CA12: variants seen among roughly 807,000 people sequenced by gnomAD.
CA12 encodes the protein carbonate dehydratase XII.
A neutral mutation model predicts 46.8 loss-of-function variants in CA12; 36 were observed. The ratio of observed to expected loss-of-function variants is 0.77; its 90% confidence interval spans 0.59 to 1.02. The LOEUF (loss-of-function observed/expected upper bound fraction) is 1.02, where lower values mean the gene tolerates loss of function less well. CA12 is among the 50% of genes least tolerant of loss of function. The probability of loss-of-function intolerance (pLI) is 0.00; values close to 1 mark genes in which losing one functional copy is unlikely to be tolerated. For missense variants in CA12, 436 were observed against 451.4 expected (o/e 0.97, Z 0.31); for synonymous variants, 202 against 187.0 (o/e 1.08, Z -0.65).
chr15:63,381,272 G>A (rs2152629514), intron 1 of CA12, among the ~76,000 whole-genome samples: 1 of 152,306 alleles, frequency 6.6e-6, no homozygotes, highest in Admixed American at 6.5e-5. Context: ...ACCCCAATCA[G>A]AATGCCACAG....
chr15:63,368,292 T>C (rs549100669), intron 2 of CA12, among the ~76,000 whole-genome samples: 1 of 152,334 alleles, frequency 6.6e-6, no homozygotes, highest in African/African-American at 2.4e-5. Context: ...CTTGGCCTGG[T>C]GGTGTGGCCC....
At chr15:63,361,616 G>A (rs891727739) in intron 2 of CA12, among the ~76,000 whole-genome samples, 1 of 152,150 alleles carries the variant, frequency 6.6e-6, no homozygotes, top group African/African-American at 2.4e-5. Context: ...TATTGTAATT[G>A]TCCCCTCAGG....
At chr15:63,336,404 C>T (rs772459355) in intron 8 of CA12, among the ~76,000 whole-genome samples, 66 of 152,130 alleles carry the variant, frequency 4.3e-4, no homozygotes, top group African/African-American at 1.4e-3. Flanking sequence ...AGCTCCTGCC[C>T]GGTTTCTTCT....
In CA12 at chr15:63,381,774, C is replaced by T. The variant is rs149560714; in HGVS notation, c.-54G>A. On this transcript the variant is annotated 5_prime_UTR_variant, in exon 1 of 11. Coordinates refer to ENST00000178638, the MANE Select transcript of CA12 (RefSeq NM_001218.5). The stretch of plus-strand genomic sequence containing the variant: ...GGCTGTGCCGGGGGCTCCCGGTGGC[C>T]GCTCGCTCTCCAGCTGCACACCGGG... 793 of 1,285,922 alleles carry T rather than the reference C, an allele frequency of 6.2e-4. 1 individual carries two copies. The highest frequency in any genetic ancestry group is 3.7e-3 in the Middle Eastern group (15 of 4,050). 79.7% of individuals were successfully genotyped at this position (1,285,922 alleles called of 1,614,324 possible).
chr15:63,369,176 A>G (rs897166204), intron 2 of CA12, among the ~76,000 whole-genome samples: 1 of 152,228 alleles, frequency 6.6e-6, no homozygotes, highest in Non-Finnish European at 1.5e-5. Context: ...TTCTTACTCA[A>G]AAAGGAAATA....
At position 63,341,957 on chromosome 15, in the gene CA12, T is replaced by C; in HGVS notation, c.525+45A>G. 7.4e-7 allele frequency: 1 copy of C among 1,352,444 alleles called. No individual in the cohort carries two copies. Among genetic ancestry groups the C allele is most frequent in the Non-Finnish European group, 1.1e-6 (1 of 943,888 alleles). 83.8% of individuals were successfully genotyped at this position (1,352,444 alleles called of 1,614,324 possible). On this transcript the variant is annotated intron_variant, in intron 5 of 10. Transcript: ENST00000178638. The surrounding 1 kb of genome is among the most constrained non-coding windows in gnomAD (Gnocchi z 5.2). The stretch of plus-strand genomic sequence containing the variant: ...AACAAAAGGTGGAATCCCAATCTCA[T>C]CCCTGCTTCAAATTTCACCTAAGAA...
At chr15:63,354,970 C>T (rs2039276727) in intron 2 of CA12, among the ~76,000 whole-genome samples, 3 of 152,266 alleles carry the variant, frequency 2.0e-5, no homozygotes, top group East Asian at 1.9e-4. Flanking sequence ...GCATCAGGTT[C>T]CTTCTGGAGA....
rs1200041917 is a variant in CA12 at position 63,329,701 on chromosome 15, G to A, written c.875-1571C>T. ...TCCTGTGCCCATAGAACCCACAGTG[G>A]TGGCTGAGGCCCTGGGAGAGCCCTG... On this transcript the variant is annotated intron_variant, in intron 8 of 10. Transcript: ENST00000178638. The surrounding 1 kb of genome is among the most constrained non-coding windows in gnomAD (Gnocchi z 4.8). 6.6e-6 allele frequency among the ~76,000 whole-genome samples: 1 copy of A among 152,168 alleles called. No homozygotes were observed. Among genetic ancestry groups the A allele is most frequent in the African/African-American group, 2.4e-5 (1 of 41,436 alleles).
In CA12 at chr15:63,321,480, C is replaced by T. The variant is rs1048533464; in HGVS notation, c.*4805G>A. The T allele has an allele frequency of 6.6e-6, 1 of 152,274 alleles. No individual in the cohort carries two copies. Among genetic ancestry groups the T allele is most frequent in the African/African-American group, 2.4e-5 (1 of 41,460 alleles). The allele number at this position is 152,274 out of a possible 1,614,324, so 9.4% of individuals were successfully genotyped here. On this transcript the variant is annotated 3_prime_UTR_variant, in exon 11 of 11. Coordinates refer to ENST00000178638, the MANE Select transcript of CA12 (RefSeq NM_001218.5). This position sits in a 1 kb window ranked among gnomAD's most constrained non-coding sequence, Gnocchi z 4.5. ...ATAATGAAGAGGCACGGGGTGGAGC[C>T]CGGGGACACCCTCGGTGGCATTGTC...
At chr15:63,338,713 A>G (rs1209928260) in intron 8 of CA12, 106 bp downstream of exon 8, 4 of 1,496,428 alleles carry the variant, frequency 2.7e-6, no homozygotes, top group South Asian at 1.1e-5. Flanking sequence ...GGGAGCTCTC[A>G]GCCAACTTCT....
intron 2 of CA12, among the ~76,000 whole-genome samples, chr15:63,361,435 G>A (rs562605257): frequency 4.6e-5 from 7 of 152,152 alleles, no homozygotes; most frequent in Non-Finnish European, 4.4e-5. Flanking sequence ...CATTGGCAAT[G>A]TCTGAAGACA....
At position 63,328,091 on chromosome 15, in the gene CA12, C is replaced by T; in HGVS notation, c.907+7G>A. On this transcript the variant is annotated splice_region_variant and intron_variant, in intron 9 of 10. Transcript: ENST00000178638. The surrounding 1 kb of genome is among the most constrained non-coding windows in gnomAD (Gnocchi z 5.9). ...CAGCATGCACGGCTGGCTGCCCAGC[C>T]ACATACCCAGACTCAGTCCTGCCGC... 2 of 1,613,938 alleles carry T rather than the reference C, an allele frequency of 1.2e-6. No homozygotes were observed. The highest frequency in any genetic ancestry group is 8.5e-7 in the Non-Finnish European group (1 of 1,179,848).
At chr15:63,364,948 G>GTGTT (rs1159238024) in intron 2 of CA12, among the ~76,000 whole-genome samples, 1 of 152,236 alleles carries the variant, frequency 6.6e-6, no homozygotes, top group African/African-American at 2.4e-5. Flanking sequence ...TGGTGTGTGT[G>GTGTT]TGTTTGTTTG....
In CA12 at chr15:63,327,469, G is replaced by T. The variant is rs993013287; in HGVS notation, c.908-236C>A. ...GCAGATGCTCTCAAACTTACACAAG[G>T]GTCATCTGAAGAGCTTGTTTAAAAT... On this transcript the variant is annotated intron_variant, in intron 9 of 10. Coordinates refer to ENST00000178638, the MANE Select transcript of CA12 (RefSeq NM_001218.5). The surrounding 1 kb of genome is among the most constrained non-coding windows in gnomAD (Gnocchi z 4.5). Among the ~76,000 whole-genome samples, 1 of 151,790 alleles carries T rather than the reference G, an allele frequency of 6.6e-6. No individual in the cohort carries two copies. Among genetic ancestry groups the T allele is most frequent in the Non-Finnish European group, 1.5e-5 (1 of 67,996 alleles).
chr15:63,368,332 T>G (rs1344365872), intron 2 of CA12, among the ~76,000 whole-genome samples: 1 of 152,146 alleles, frequency 6.6e-6, no homozygotes, highest in Non-Finnish European at 1.5e-5. Context: ...GTGCCTGCGC[T>G]CCACCGTGGT....
Position 63,372,557 on chromosome 15 carries a change from G to A in CA12, c.106+3101C>T, listed in dbSNP as rs2039520662. On this transcript the variant is annotated intron_variant, in intron 2 of 10. Coordinates refer to ENST00000178638, the MANE Select transcript of CA12 (RefSeq NM_001218.5). The surrounding 1 kb of genome is among the most constrained non-coding windows in gnomAD (Gnocchi z 4.5). ...AATGACTCAGCAGTGTACGTGCAAA[G>A]AAGCTGAGTTCTGCACATGAGCCAC... Among the ~76,000 whole-genome samples, 2 of 152,242 alleles carry A rather than the reference G, an allele frequency of 1.3e-5. No homozygotes were observed. The highest frequency in any genetic ancestry group is 4.1e-4 in the South Asian group (2 of 4,834).
At chr15:63,357,845 C>T (rs1040218466) in intron 2 of CA12, among the ~76,000 whole-genome samples, 7 of 152,232 alleles carry the variant, frequency 4.6e-5, no homozygotes, top group East Asian at 1.9e-4. Context: ...CTCTCAGCAC[C>T]GGGCAACCAC....
intron 2 of CA12, among the ~76,000 whole-genome samples, chr15:63,361,027 A>T (rs1003953575): frequency 6.6e-6 from 1 of 152,154 alleles, no homozygotes; most frequent in African/African-American, 2.4e-5. Flanking sequence ...GTGGCATCGG[A>T]TGTAAATACA....
rs781761563 is a variant in CA12 at position 63,329,257 on chromosome 15, G to A, written c.875-1127C>T. ...CTGCTCCATGGAACCAGGGTATTAC[G>A]GCTTCAACCAGCAAGTTACTGTTGA... On this transcript the variant is annotated intron_variant, in intron 8 of 10. Coordinates refer to ENST00000178638, the MANE Select transcript of CA12 (RefSeq NM_001218.5). The surrounding 1 kb of genome is among the most constrained non-coding windows in gnomAD (Gnocchi z 4.8). 2.0e-5 allele frequency among the ~76,000 whole-genome samples: 3 copies of A among 152,278 alleles called. No individual in the cohort carries two copies. The highest frequency in any genetic ancestry group is 1.9e-4 in the East Asian group (1 of 5,192).
Sources: gnomAD v4.1 joint callset for allele counts (sites outside exome capture counted in the v4.1 genomes callset) on GRCh38, gnomAD v4.1.1 for gene constraint, Gnocchi (gnomAD v3.1) non-coding constraint, MANE v1.5 for transcripts, NCBI Gene and HGNC (gene_info 2026-07-23, HGNC 2026-07-21) for gene names.